LRRC37A2: variants seen among roughly 807,000 people sequenced by gnomAD.
LRRC37A2 encodes leucine-rich repeat-containing protein 37A2.
Under a neutral mutation model 68.8 loss-of-function variants are expected in LRRC37A2, and 9 were observed. The ratio of observed to expected loss-of-function variants is 0.13; its 90% CI spans 0.08 to 0.23. The LOEUF is 0.23. LRRC37A2 is among the 10% of genes least tolerant of loss of function. LRRC37A2 has a pLI of 1.00. For missense variants in LRRC37A2, 168 were observed against 950.4 expected (o/e 0.18, Z 10.82); for synonymous variants, 63 against 367.6 (o/e 0.17, Z 9.48).
chr17:46,824,545 G>A, the LRRC37A2 span, among the ~76,000 whole-genome samples: 4 of 152,226 alleles, frequency 2.6e-5, no homozygotes, highest in East Asian at 3.8e-4. Context: ...CCCCATGCCC[G>A]GCTGATTATA....
At chr17:46,747,458 T>C in the LRRC37A2 span, among the ~76,000 whole-genome samples, 3 of 152,032 alleles carry the variant, frequency 2.0e-5, no homozygotes, top group African/African-American at 7.2e-5. Context: ...TTTTGGTATT[T>C]TTGTTGAGAT....
chr17:46,768,881 AC>A, the LRRC37A2 span: 2 of 1,554,532 alleles, frequency 1.3e-6, no homozygotes, highest in Non-Finnish European at 1.7e-6. The surrounding 1 kb of genome is among the most constrained non-coding windows in gnomAD (Gnocchi z 5.0). Context: ...GCCACTGCCC[AC>A]CCCCTTCCCT....
chr17:46,823,122 TATATA>T, the LRRC37A2 span, among the ~76,000 whole-genome samples: 1 of 131,674 alleles, frequency 7.6e-6, no homozygotes, highest in Non-Finnish European at 1.6e-5. Context: ...TATTATATAT[TATATA>T]TTATATATAT....
At chr17:46,791,873 C>G in the LRRC37A2 span, among the ~76,000 whole-genome samples, 2 of 152,190 alleles carry the variant, frequency 1.3e-5, no homozygotes, top group Non-Finnish European at 2.9e-5. Flanking sequence ...GACGCTGTCT[C>G]TACAAAACAC....
At chr17:46,935,296 C>G in the LRRC37A2 span, 1 of 1,563,176 alleles carries the variant, frequency 6.4e-7, no homozygotes, top group African/African-American at 1.4e-5. Flanking sequence ...AGACAGAGCC[C>G]TTGAGTTTGG....
At chr17:46,491,563 AAG>A in the LRRC37A2 span, among the ~76,000 whole-genome samples, 24 of 141,082 alleles carry the variant, frequency 1.7e-4, no homozygotes, top group East Asian at 3.5e-3. Context: ...ATAAAGAAAA[AAG>A]AAAAAAATTG....
chr17:46,864,399 C>T, the LRRC37A2 span, among the ~76,000 whole-genome samples: 1 of 152,138 alleles, frequency 6.6e-6, no homozygotes, highest in South Asian at 2.1e-4. Context: ...CTCTATCTAG[C>T]CAAGTATGTT....
the LRRC37A2 span, among the ~76,000 whole-genome samples, chr17:46,990,674 C>CTTT: frequency 6.7e-6 from 1 of 149,536 alleles, no homozygotes; most frequent in African/African-American, 2.5e-5. Flanking sequence ...ACACAAAATG[C>CTTT]TTTTTTTTTT....
the LRRC37A2 span, among the ~76,000 whole-genome samples, chr17:46,987,266 T>C: frequency 6.6e-6 from 1 of 151,356 alleles, no homozygotes; most frequent in Admixed American, 6.6e-5. Context: ...ATAATAATAA[T>C]AACTGTAGCT....
At chr17:46,923,519 T>C in the LRRC37A2 span, 2 of 1,370,098 alleles carry the variant, frequency 1.5e-6, no homozygotes, top group Non-Finnish European at 1.9e-6. Flanking sequence ...GTTATAAAAC[T>C]TTGTCCAGCA....
At chr17:46,492,207 C>T in the LRRC37A2 span, among the ~76,000 whole-genome samples, 4 of 151,442 alleles carry the variant, frequency 2.6e-5, no homozygotes, top group East Asian at 1.9e-4. Context: ...TCAGGTAATC[C>T]GCCGGCCTCG....
At chr17:46,773,698 G>A in the LRRC37A2 span, 9 of 1,589,338 alleles carry the variant, frequency 5.7e-6, no homozygotes, top group African/African-American at 1.4e-5. Context: ...AAGATGGCCA[G>A]GCTGTCATCT....
chr17:46,983,181 T>C, the LRRC37A2 span, among the ~76,000 whole-genome samples: 1 of 152,128 alleles, frequency 6.6e-6, no homozygotes, highest in Admixed American at 6.6e-5. Flanking sequence ...GGCCATTGTC[T>C]ATTTGCATAT....
the LRRC37A2 span, among the ~76,000 whole-genome samples, chr17:46,631,333 A>G: frequency 7.1e-6 from 1 of 140,420 alleles, no homozygotes; most frequent in South Asian, 2.2e-4. Context: ...GACTACAAGC[A>G]CTTGCCACCA....
the LRRC37A2 span, among the ~76,000 whole-genome samples, chr17:46,784,792 T>C: frequency 9.2e-6 from 1 of 108,618 alleles, no homozygotes; most frequent in East Asian, 2.4e-4. Context: ...TTTTTTTTTT[T>C]TGAGATGGAG....
At chr17:46,543,513 A>G (rs1331280060) in intron 8 of LRRC37A2, among the ~76,000 whole-genome samples, 3 of 150,958 alleles carry the variant, frequency 2.0e-5, no homozygotes, top group Non-Finnish European at 4.4e-5. Context: ...CATAGTAGAC[A>G]ATGATAATAT....
chr17:46,913,782 CAG>C, the LRRC37A2 span, among the ~76,000 whole-genome samples: 1 of 152,138 alleles, frequency 6.6e-6, no homozygotes, highest in Non-Finnish European at 1.5e-5. Flanking sequence ...TTTATTTTGA[CAG>C]AGTCTCACTC....
At chr17:46,717,768 G>C in the LRRC37A2 span, among the ~76,000 whole-genome samples, 1 of 152,130 alleles carries the variant, frequency 6.6e-6, no homozygotes, top group African/African-American at 2.4e-5. Context: ...CAGTGGCGGT[G>C]GCAGGGAAAG....
chr17:46,915,687 A>C, the LRRC37A2 span, among the ~76,000 whole-genome samples: 1 of 152,206 alleles, frequency 6.6e-6, no homozygotes, highest in Non-Finnish European at 1.5e-5. Context: ...GGCTGGGATC[A>C]TCCCAGTTGG....
Sources: gnomAD v4.1 joint callset for allele counts (sites outside exome capture counted in the v4.1 genomes callset) on GRCh38, gnomAD v4.1.1 for gene constraint, Gnocchi (gnomAD v3.1) non-coding constraint, MANE v1.5 for transcripts, NCBI Gene and HGNC (gene_info 2026-07-23, HGNC 2026-07-21) for gene names.